The following KCNMA1 variants were observed in gnomAD, a reference collection of about 807,000 sequenced individuals.
The protein encoded by KCNMA1 is Calcium-activated potassium channel subunit alpha-1.
KCNMA1 carries 29 observed loss-of-function variants against 140.0 expected under a neutral mutation model. The observed-to-expected ratio is 0.21, with a 90% CI of 0.15 to 0.28. The LOEUF (loss-of-function observed/expected upper bound fraction) is 0.28. Among genes scored for constraint, KCNMA1 ranks in the 10% least tolerant of loss-of-function variants. KCNMA1 has a pLI of 1.00. For synonymous variants in KCNMA1, 612 were observed against 611.9 expected (o/e 1.00, Z 0.00); for missense variants, 880 against 1,602.2 (o/e 0.55, Z 7.70).
intron 16 of KCNMA1, chr10:77,019,763 TA>T (rs892436601): frequency 2.6e-5 from 4 of 152,240 alleles, no homozygotes; most frequent in Non-Finnish European, 4.4e-5. Context: ...CTGCTGTTTA[TA>T]AAAACGTACA....
intron 13 of KCNMA1, among the ~76,000 whole-genome samples, chr10:77,077,117 A>G (rs991727450): frequency 6.6e-6 from 1 of 152,226 alleles, no homozygotes; most frequent in Non-Finnish European, 1.5e-5. Flanking sequence ...AAACACAGCA[A>G]AACTGTGAAG....
At chr10:77,436,103 C>T (rs539384211) in intron 1 of KCNMA1, among the ~76,000 whole-genome samples, 1 of 152,316 alleles carries the variant, frequency 6.6e-6, no homozygotes, top group African/African-American at 2.4e-5. Flanking sequence ...TGAATTGGAT[C>T]CCCAGATGTT....
chr10:77,353,652 C>T (rs1188035993), intron 2 of KCNMA1, among the ~76,000 whole-genome samples: 2 of 151,622 alleles, frequency 1.3e-5, no homozygotes, highest in Admixed American at 6.6e-5. Flanking sequence ...AGGATTAATC[C>T]TTACAACAAC....
chr10:77,475,077 C>T (rs1031842806), intron 1 of KCNMA1, among the ~76,000 whole-genome samples: 1 of 152,288 alleles, frequency 6.6e-6, no homozygotes, highest in East Asian at 1.9e-4. Context: ...TAGGAGCTTT[C>T]GTTCCTGTCC....
At chr10:77,098,495 T>C (rs2096997540) in intron 9 of KCNMA1, among the ~76,000 whole-genome samples, 1 of 152,092 alleles carries the variant, frequency 6.6e-6, no homozygotes, top group Non-Finnish European at 1.5e-5. Flanking sequence ...GTGTCAGAGC[T>C]GCATCTCTGG....
chr10:77,129,405 AAAAGG>A (rs2097804552), intron 5 of KCNMA1, among the ~76,000 whole-genome samples: 1 of 152,224 alleles, frequency 6.6e-6, no homozygotes, highest in African/African-American at 2.4e-5. Context: ...GTAGTATGCC[AAAAGG>A]AGAATGCTTT....
At chr10:77,617,612 T>C (rs1427128145) in intron 1 of KCNMA1, among the ~76,000 whole-genome samples, 2 of 152,192 alleles carry the variant, frequency 1.3e-5, no homozygotes, top group Admixed American at 6.5e-5. Context: ...AAACCCTGGG[T>C]TCTAATGCTG....
In KCNMA1 at chr10:77,572,594, AT is replaced by A. The variant is rs2071983062; in HGVS notation, c.378+64670del. On this transcript the variant is annotated intron_variant, in intron 1 of 27. Transcript: ENST00000286628. ...CATATATATATATATATATATATAT[AT>A]ATATATATAAATTAGCTGGGCATGG... 8.6e-5 allele frequency among the ~76,000 whole-genome samples: 9 copies of A among 104,728 alleles called. No homozygotes were observed. The South Asian group carries it at 1.2e-3, about 14-fold the overall frequency. 68.7% of individuals were successfully genotyped at this position (104,728 alleles called of 152,430 possible).
chr10:77,079,258 A>G (rs1379332381), intron 13 of KCNMA1, among the ~76,000 whole-genome samples: 1 of 152,082 alleles, frequency 6.6e-6, no homozygotes, highest in African/African-American at 2.4e-5. Context: ...CAACAAGAGC[A>G]AGACTCCATC....
intron 1 of KCNMA1, among the ~76,000 whole-genome samples, chr10:77,503,108 C>T (rs982393267): frequency 1.3e-5 from 2 of 152,088 alleles, no homozygotes; most frequent in African/African-American, 4.8e-5. Flanking sequence ...CAAAACAAAA[C>T]CAAGACCACT....
At chr10:76,874,803 A>G (rs183865157), downstream of KCNMA1, 234 of 152,360 alleles carry the variant, frequency 1.5e-3, 1 homozygote, top group African/African-American at 5.3e-3. Flanking sequence ...ATGATATTCT[A>G]AAATATAAAA....
chr10:77,513,266 A>G (rs1194857723), intron 1 of KCNMA1, among the ~76,000 whole-genome samples: 2 of 152,012 alleles, frequency 1.3e-5, no homozygotes, highest in Non-Finnish European at 1.5e-5. Flanking sequence ...TCTTCCCCCA[A>G]ATTTCCTCCT....
intron 23 of KCNMA1, among the ~76,000 whole-genome samples, chr10:76,937,913 ATGTGTGTGTGTGTT>A (rs1446371707): frequency 6.8e-6 from 1 of 147,700 alleles, no homozygotes; most frequent in Non-Finnish European, 1.5e-5. Context: ...GTGTGTGCGT[ATGTGTGTGTGTGTT>A]TGTGTGTGTG....
chr10:77,237,083 T>C (rs1316003263), intron 3 of KCNMA1, among the ~76,000 whole-genome samples: 3 of 152,276 alleles, frequency 2.0e-5, no homozygotes, highest in Admixed American at 1.3e-4. Flanking sequence ...TTATTTTGTT[T>C]CTTAACTTCA....
intron 3 of KCNMA1, among the ~76,000 whole-genome samples, chr10:77,220,066 T>C (rs1428424045): frequency 6.6e-6 from 1 of 152,228 alleles, no homozygotes; most frequent in Non-Finnish European, 1.5e-5. Context: ...CCACTACACA[T>C]ACCAGGCACT....
intron 2 of KCNMA1, among the ~76,000 whole-genome samples, chr10:77,264,734 G>A (rs540376307): frequency 2.3e-4 from 35 of 152,202 alleles, no homozygotes; most frequent in African/African-American, 7.5e-4. Context: ...CAGGGTTTAC[G>A]GTCTCTTGCT....
intron 22 of KCNMA1, among the ~76,000 whole-genome samples, chr10:76,946,937 G>A (rs984769699): frequency 6.6e-6 from 1 of 152,194 alleles, no homozygotes; most frequent in Non-Finnish European, 1.5e-5. Context: ...CCCATTTTGT[G>A]AAAATCTATT....
intron 18 of KCNMA1, among the ~76,000 whole-genome samples, chr10:77,002,361 TG>T (rs34428338): frequency 6.6e-6 from 1 of 152,238 alleles, no homozygotes; most frequent in Non-Finnish European, 1.5e-5. Context: ...TAGCTACTCA[TG>T]GGTGTATTTT....
intron 2 of KCNMA1, among the ~76,000 whole-genome samples, chr10:77,382,922 A>C (rs2095454177): frequency 7.1e-6 from 1 of 140,546 alleles, no homozygotes; most frequent in African/African-American, 2.6e-5. Context: ...ACACACACAT[A>C]CATATATATA....
Sources: allele counts gnomAD v4.1 joint callset (sites outside exome capture counted in the v4.1 genomes callset), GRCh38; gene constraint gnomAD v4.1.1; transcripts MANE v1.5; gene names NCBI Gene and HGNC (gene_info 2026-07-23, HGNC 2026-07-21).